RBFOX1: variants seen among roughly 807,000 people sequenced by gnomAD.
RBFOX1 encodes RNA binding fox-1 homolog 1.
Under a neutral mutation model 57.7 loss-of-function variants are expected in RBFOX1, and 8 were observed. That is an observed-to-expected ratio of 0.14 (90% CI 0.08 to 0.25). The LOEUF is 0.25. Among genes scored for constraint, RBFOX1 ranks in the 10% least tolerant of loss-of-function variants. The pLI is 1.00. For synonymous variants in RBFOX1, 326 were observed against 222.4 expected (o/e 1.47, Z -4.15); for missense variants, 611 against 548.5 (o/e 1.11, Z -1.14).
At chr16:7,437,903 T>A (rs2098735570) in intron 4 of RBFOX1, among the ~76,000 whole-genome samples, 1 of 137,068 alleles carries the variant, frequency 7.3e-6, no homozygotes, top group Non-Finnish European at 1.5e-5. Flanking sequence ...TTAGACAAAT[T>A]GCTTAAAAAA....
At chr16:5,865,951 C>G (rs916252662) in intron 3 of RBFOX1, among the ~76,000 whole-genome samples, 3 of 151,990 alleles carry the variant, frequency 2.0e-5, no homozygotes, top group African/African-American at 7.2e-5. Flanking sequence ...AGTAAGTTCT[C>G]TGCTCTCTCT....
intron 2 of RBFOX1, among the ~76,000 whole-genome samples, chr16:6,326,954 G>T (rs376348543): frequency 2.6e-5 from 4 of 152,136 alleles, no homozygotes; most frequent in African/African-American, 9.7e-5. Flanking sequence ...CCAAATGCTC[G>T]TCTTTCATTT....
intron 4 of RBFOX1, among the ~76,000 whole-genome samples, chr16:5,909,657 C>G (rs1049109581): frequency 6.6e-6 from 1 of 152,192 alleles, no homozygotes; most frequent in African/African-American, 2.4e-5. Flanking sequence ...TACCTGAGGT[C>G]TGTTTGCCTT....
At chr16:6,706,711 CTT>C (rs33986994) in intron 3 of RBFOX1, among the ~76,000 whole-genome samples, 12,964 of 142,204 alleles carry the variant, frequency 0.091, 784 homozygotes, top group African/African-American at 0.18. Context: ...CAGCTGCAGT[CTT>C]TTTTTTTTTT....
At chr16:7,276,893 T>C (rs1023811792) in intron 4 of RBFOX1, among the ~76,000 whole-genome samples, 4 of 152,212 alleles carry the variant, frequency 2.6e-5, no homozygotes, top group African/African-American at 4.8e-5. Flanking sequence ...GAGTGGAATC[T>C]CAAATGTTTA....
chr16:5,766,616 A>T (rs1246877643), intron 3 of RBFOX1, among the ~76,000 whole-genome samples: 3 of 152,130 alleles, frequency 2.0e-5, no homozygotes, highest in Non-Finnish European at 4.4e-5. Flanking sequence ...AATGAAAAAC[A>T]GATCTCTTGA....
intron 4 of RBFOX1, among the ~76,000 whole-genome samples, chr16:7,075,027 G>T (rs1022736825): frequency 2.0e-5 from 3 of 152,072 alleles, no homozygotes; most frequent in African/African-American, 7.2e-5. Context: ...AGAAAAAAGG[G>T]GCAAAGGAAC....
chr16:7,566,041 A>G (rs1448074484), intron 5 of RBFOX1, among the ~76,000 whole-genome samples: 1 of 152,160 alleles, frequency 6.6e-6, no homozygotes, highest in Admixed American at 6.6e-5. Flanking sequence ...GGGGCTTTTG[A>G]TATAGTGCAT....
intron 4 of RBFOX1, among the ~76,000 whole-genome samples, chr16:7,474,235 C>G (rs929464770): frequency 3.3e-5 from 5 of 152,098 alleles, no homozygotes; most frequent in African/African-American, 1.2e-4. Flanking sequence ...TGCAGTGAGC[C>G]GAGATCGCGC....
intron 3 of RBFOX1, among the ~76,000 whole-genome samples, chr16:7,012,325 C>T (rs1433203938): frequency 6.6e-6 from 1 of 152,190 alleles, no homozygotes; most frequent in African/African-American, 2.4e-5. Flanking sequence ...CTCATAACTA[C>T]TAGTGACAGA....
chr16:5,677,557 G>C (rs531717722), intron 3 of RBFOX1, among the ~76,000 whole-genome samples: 1 of 152,046 alleles, frequency 6.6e-6, no homozygotes, highest in Non-Finnish European at 1.5e-5. Flanking sequence ...GAAATTCACC[G>C]GACCAATCCA....
chr16:7,378,056 C>G (rs892486415), intron 4 of RBFOX1, among the ~76,000 whole-genome samples: 1 of 152,118 alleles, frequency 6.6e-6, no homozygotes, highest in Non-Finnish European at 1.5e-5. Context: ...CAAAGAGACT[C>G]CGGTGGCTAG....
chr16:5,685,175 A>G (rs2050467139), intron 3 of RBFOX1, among the ~76,000 whole-genome samples: 1 of 152,216 alleles, frequency 6.6e-6, no homozygotes, highest in South Asian at 2.1e-4. Context: ...GGAGAACTAT[A>G]TATTACAGCT....
At chr16:5,476,852 C>T (rs2069342857) in intron 2 of RBFOX1, among the ~76,000 whole-genome samples, 2 of 152,266 alleles carry the variant, frequency 1.3e-5, no homozygotes, top group East Asian at 1.9e-4. Context: ...TTCCAGGCAG[C>T]CCTCCAAGTT....
At chr16:5,737,328 A>G (rs2052613293) in intron 3 of RBFOX1, among the ~76,000 whole-genome samples, 2 of 152,068 alleles carry the variant, frequency 1.3e-5, no homozygotes, top group African/African-American at 4.8e-5. Context: ...TCCTAAAAGT[A>G]CAAAAAGTTA....
intron 4 of RBFOX1, among the ~76,000 whole-genome samples, chr16:5,967,160 G>A (rs187145092): frequency 6.6e-6 from 1 of 152,104 alleles, no homozygotes; most frequent in Admixed American, 6.5e-5. Flanking sequence ...GGCCCGCAAA[G>A]CCACAAATAT....
chr16:6,952,641 C>A (rs895802088), intron 3 of RBFOX1, among the ~76,000 whole-genome samples: 15 of 151,556 alleles, frequency 9.9e-5, no homozygotes, highest in African/African-American at 3.4e-4. Context: ...CTGTCTCCCT[C>A]CTCCCTCCAA....
intron 1 of RBFOX1, among the ~76,000 whole-genome samples, chr16:5,428,374 G>A (rs1341188394): frequency 1.3e-5 from 2 of 152,154 alleles, no homozygotes; most frequent in East Asian, 3.8e-4. Flanking sequence ...TTTTTAAGTA[G>A]GAGGCGTCCC....
At position 6,366,801 on chromosome 16, in the gene RBFOX1, G is replaced by A. The variant is rs187369083; in HGVS notation, c.-64+49744G>A. On this transcript the variant is annotated intron_variant, in intron 2 of 15. Transcript: ENST00000550418. The stretch of plus-strand genomic sequence containing the variant: ...GATCATAAAGCAGAGCCAAAATTAG[G>A]CACCAGTGTCTTTTGGTGTCAGGAA... Among the ~76,000 whole-genome samples, 95 of 152,254 alleles carry A rather than the reference G, an allele frequency of 6.2e-4. 1 individual carries two copies. The East Asian group carries it at 0.012, about 19-fold the overall frequency.
Sources: gnomAD v4.1 joint callset for allele counts (sites outside exome capture counted in the v4.1 genomes callset) on GRCh38, gnomAD v4.1.1 for gene constraint, MANE v1.5 for transcripts, NCBI Gene and HGNC (gene_info 2026-07-23, HGNC 2026-07-21) for gene names.